Variants in FBXO4 observed in about 807,000 individuals in gnomAD.
FBXO4 encodes the protein F-box protein 4.
In FBXO4, 36 loss-of-function variants were observed where a neutral mutation model predicts 43.7. That is an observed-to-expected ratio of 0.82 (90% CI 0.63 to 1.09). The LOEUF is 1.09. FBXO4 is among the 50% of genes least tolerant of loss of function. The probability of loss-of-function intolerance (pLI) is 0.00; values close to 1 mark genes in which losing one functional copy is unlikely to be tolerated. For synonymous variants in FBXO4, 180 were observed against 165.6 expected, an observed-to-expected ratio of 1.09 and a Z score of -0.67; for missense variants, 435 against 474.1, an observed-to-expected ratio of 0.92 and a Z score of 0.77.
chr5:41,969,533 G>A, the FBXO4 span, among the ~76,000 whole-genome samples: 1 of 151,928 alleles, frequency 6.6e-6, no homozygotes, highest in Non-Finnish European at 1.5e-5. Context: ...ATAATATTTG[G>A]CTATATCATT....
chr5:41,988,811 A>C, the FBXO4 span, among the ~76,000 whole-genome samples: 1 of 152,124 alleles, frequency 6.6e-6, no homozygotes, highest in Non-Finnish European at 1.5e-5. Context: ...ATGACTTTCA[A>C]GCTTCTTACA....
At chr5:41,971,234 A>G in the FBXO4 span, among the ~76,000 whole-genome samples, 332 of 141,462 alleles carry the variant, frequency 2.3e-3, no homozygotes, top group African/African-American at 7.6e-3. Flanking sequence ...GTGTGTGTGT[A>G]TGTGTGTGTG....
At chr5:42,034,717 G>A in the FBXO4 span, among the ~76,000 whole-genome samples, 11 of 152,030 alleles carry the variant, frequency 7.2e-5, no homozygotes, top group African/African-American at 2.2e-4. Context: ...TGTTCTATTG[G>A]TCTATGTATC....
chr5:42,016,882 T>C, the FBXO4 span, among the ~76,000 whole-genome samples: 1 of 152,102 alleles, frequency 6.6e-6, no homozygotes, highest in African/African-American at 2.4e-5. Context: ...AACCTAACTT[T>C]TTTTGTTGAA....
chr5:42,029,686 T>C, the FBXO4 span, among the ~76,000 whole-genome samples: 1 of 151,900 alleles, frequency 6.6e-6, no homozygotes, highest in Non-Finnish European at 1.5e-5. Flanking sequence ...TCAAATATCC[T>C]GACTCCAAGC....
At chr5:41,928,942 C>T (rs992822914) in intron 2 of FBXO4, among the ~76,000 whole-genome samples, 10 of 152,118 alleles carry the variant, frequency 6.6e-5, no homozygotes, top group African/African-American at 1.9e-4. Context: ...TTGCAAGAAA[C>T]GGAATTGTTT....
chr5:41,972,785 A>G, the FBXO4 span, among the ~76,000 whole-genome samples: 2 of 152,314 alleles, frequency 1.3e-5, no homozygotes, highest in East Asian at 3.9e-4. Flanking sequence ...ACATACAACC[A>G]TCTGATCCTC....
intron 3 of FBXO4, among the ~76,000 whole-genome samples, chr5:41,931,171 A>G (rs1177897141): frequency 6.6e-6 from 1 of 152,212 alleles, no homozygotes; most frequent in Non-Finnish European, 1.5e-5. Flanking sequence ...ATTGATTAGA[A>G]GGGGCTAAAG....
At chr5:41,972,414 C>G in the FBXO4 span, among the ~76,000 whole-genome samples, 1 of 151,874 alleles carries the variant, frequency 6.6e-6, no homozygotes, top group Non-Finnish European at 1.5e-5. Context: ...TTCCACAATG[C>G]AAATTAAGAA....
At chr5:42,022,806 C>T in the FBXO4 span, among the ~76,000 whole-genome samples, 5 of 151,944 alleles carry the variant, frequency 3.3e-5, no homozygotes, top group African/African-American at 7.3e-5. Flanking sequence ...TGACAGCTGA[C>T]GTGTGCAGGG....
chr5:41,965,016 G>T, the FBXO4 span, among the ~76,000 whole-genome samples: 7 of 152,072 alleles, frequency 4.6e-5, no homozygotes, highest in Non-Finnish European at 8.8e-5. Context: ...TATGGTTTTA[G>T]GTCTAACATT....
At chr5:41,931,677 C>T (rs999018821) in intron 3 of FBXO4, among the ~76,000 whole-genome samples, 1 of 152,188 alleles carries the variant, frequency 6.6e-6, no homozygotes, top group Non-Finnish European at 1.5e-5. Flanking sequence ...ATGCATCCAG[C>T]TCTCAAGAGC....
chr5:42,031,827 G>A, the FBXO4 span, among the ~76,000 whole-genome samples: 1 of 151,700 alleles, frequency 6.6e-6, no homozygotes, highest in Admixed American at 6.6e-5. Context: ...GTCCTTATTG[G>A]GAGAGCATTC....
chr5:42,018,341 T>C, the FBXO4 span, among the ~76,000 whole-genome samples: 9 of 151,878 alleles, frequency 5.9e-5, no homozygotes, highest in Non-Finnish European at 1.3e-4. Context: ...TCAAAACCAG[T>C]CATGAATGGC....
At chr5:41,938,966 T>A (rs1337642052) in intron 5 of FBXO4, among the ~76,000 whole-genome samples, 1 of 152,244 alleles carries the variant, frequency 6.6e-6, no homozygotes, top group East Asian at 1.9e-4. Context: ...AGATTACCTG[T>A]CTTTCTTAAA....
At chr5:41,962,011 T>C in the FBXO4 span, among the ~76,000 whole-genome samples, 1 of 152,284 alleles carries the variant, frequency 6.6e-6, no homozygotes, top group Non-Finnish European at 1.5e-5. Flanking sequence ...ATATTCCCAA[T>C]ATTTTTGCTC....
chr5:42,034,979 A>G, the FBXO4 span, among the ~76,000 whole-genome samples: 1 of 152,020 alleles, frequency 6.6e-6, no homozygotes, highest in Non-Finnish European at 1.5e-5. Flanking sequence ...CTTGATATTT[A>G]TTCTAAAGAT....
the FBXO4 span, among the ~76,000 whole-genome samples, chr5:41,999,446 AGTGT>A: frequency 0.036 from 3,835 of 107,346 alleles, 95 homozygotes; most frequent in African/African-American, 0.06. Context: ...TATATATGTG[AGTGT>A]GTGTGTGTGT....
intron 5 of FBXO4, among the ~76,000 whole-genome samples, chr5:41,935,362 A>C (rs1207354749): frequency 1.3e-5 from 2 of 152,224 alleles, no homozygotes; most frequent in Non-Finnish European, 2.9e-5. Context: ...TGGTACAGGC[A>C]TGCATGTGAT....
Sources: gnomAD v4.1 joint callset for allele counts (sites outside exome capture counted in the v4.1 genomes callset) on GRCh38, gnomAD v4.1.1 for gene constraint, MANE v1.5 for transcripts, NCBI Gene and HGNC (gene_info 2026-07-23, HGNC 2026-07-21) for gene names.